The following ILRUN variants were observed in gnomAD, a reference collection of about 807,000 sequenced individuals.
The protein encoded by ILRUN is inflammation and lipid regulator with UBA-like and NBR1-like domains, also known as protein ILRUN.
Under a neutral mutation model 33.8 loss-of-function variants are expected in ILRUN, and 3 were observed. That is an observed-to-expected ratio of 0.09 (90% CI 0.04 to 0.23). The LOEUF is 0.23. Ranked by LOEUF, ILRUN falls within the 10% of genes least tolerant of loss-of-function variation. The pLI, the probability that ILRUN is intolerant of heterozygous loss-of-function variation, is 1.00. For synonymous variants in ILRUN, 124 were observed against 138.9 expected (o/e 0.89, Z 0.75); for missense variants, 210 against 375.1 (o/e 0.56, Z 3.64).
At chr6:34,642,648 G>A (rs1027490074) in intron 3 of ILRUN, among the ~76,000 whole-genome samples, 2 of 151,772 alleles carry the variant, frequency 1.3e-5, no homozygotes, top group Non-Finnish European at 2.9e-5. Context: ...TTTTGGCTCC[G>A]CAGGATATGT....
intron 3 of ILRUN, among the ~76,000 whole-genome samples, chr6:34,640,645 G>C (rs1762455917): frequency 6.6e-6 from 1 of 152,006 alleles, no homozygotes; most frequent in Admixed American, 6.5e-5. Context: ...GGGAAGCAGA[G>C]GTTGCAGTGA....
chr6:34,646,691 C>T lies in ILRUN; in HGVS notation c.421G>A (p.Asp141Asn), dbSNP rs1432478899. 1.2e-6 allele frequency: 2 copies of T among 1,614,180 alleles called. No homozygotes were observed. Among genetic ancestry groups the T allele is most frequent in the East Asian group, 2.2e-5 (1 of 44,878 alleles). ...GGGCTGCACATCTGGACGCTGACAT[C>T]TGCAATCTCTTGGGGCTCTAGCGAT... ...VRSLEPQEIA[D>N]VSVQMCSPSR... The change falls in exon 3 of 5, where the codon GAT becomes AAT. Residue 141 changes from aspartate to asparagine, a missense_variant. This residue lies in a region of ILRUN where 60 missense variants were observed against 138.1 expected (regional missense o/e 0.43). Transcript: ENST00000374023. The surrounding 1 kb of genome is among the most constrained non-coding windows in gnomAD (Gnocchi z 4.9).
At chr6:34,616,382 T>C (rs1240487323) in intron 3 of ILRUN, among the ~76,000 whole-genome samples, 1 of 152,218 alleles carries the variant, frequency 6.6e-6, no homozygotes, top group East Asian at 1.9e-4. Flanking sequence ...TGCAGTCAGC[T>C]GCTGAGCTAT....
intron 2 of ILRUN, among the ~76,000 whole-genome samples, chr6:34,648,309 G>C (rs1353110395): frequency 6.6e-6 from 1 of 152,124 alleles, no homozygotes; most frequent in Non-Finnish European, 1.5e-5. Context: ...AGATGCCTCA[G>C]TTCCTTGCTC....
At chr6:34,647,746 CAA>C (rs1762587647) in intron 2 of ILRUN, among the ~76,000 whole-genome samples, 1 of 152,112 alleles carries the variant, frequency 6.6e-6, no homozygotes, top group Non-Finnish European at 1.5e-5. Flanking sequence ...TGTATTTTTA[CAA>C]GAGATGGGGT....
rs929993703 is a variant in ILRUN at position 34,614,505 on chromosome 6, A to T, written c.512-7601T>A. On this transcript the variant is annotated intron_variant, in intron 3 of 4. Transcript: ENST00000374023. ...TATATTATTATATATATTATATTTT[A>T]TATATATATATATATTCATGGATCC... Among the ~76,000 whole-genome samples the T allele has an allele frequency of 4.1e-4, 60 of 145,034 alleles. 1 individual carries two copies. Among genetic ancestry groups the T allele is most frequent in the East Asian group, 3.3e-3 (17 of 5,100 alleles).
intron 4 of ILRUN, among the ~76,000 whole-genome samples, chr6:34,597,005 T>A (rs1228777738): frequency 1.3e-5 from 2 of 151,696 alleles, no homozygotes; most frequent in Non-Finnish European, 2.9e-5. Context: ...CTTCCATCCC[T>A]CCTCCCTCCA....
intron 3 of ILRUN, among the ~76,000 whole-genome samples, chr6:34,636,351 A>G (rs1762368249): frequency 6.6e-6 from 1 of 152,230 alleles, no homozygotes; most frequent in Admixed American, 6.5e-5. Context: ...CTTTGTAAAT[A>G]AAGGAAAGTA....
chr6:34,593,856 C>T (rs1343003645), intron 4 of ILRUN, among the ~76,000 whole-genome samples: 1 of 152,078 alleles, frequency 6.6e-6, no homozygotes, highest in Non-Finnish European at 1.5e-5. Flanking sequence ...GGCAACATAA[C>T]ACCAGTTGTA....
intron 1 of ILRUN, among the ~76,000 whole-genome samples, chr6:34,676,678 TC>T (rs1159514736): frequency 1.3e-5 from 2 of 151,896 alleles, no homozygotes; most frequent in African/African-American, 4.8e-5. Flanking sequence ...AAACATACTT[TC>T]TTTGAAAATA....
intron 3 of ILRUN, among the ~76,000 whole-genome samples, chr6:34,634,481 T>C (rs1356433133): frequency 6.6e-6 from 1 of 151,880 alleles, no homozygotes; most frequent in Admixed American, 6.6e-5. Context: ...CAGAAATCCA[T>C]AAAATTGAAC....
At chr6:34,614,088 T>C (rs1415715131) in intron 3 of ILRUN, among the ~76,000 whole-genome samples, 1 of 152,100 alleles carries the variant, frequency 6.6e-6, no homozygotes, top group Non-Finnish European at 1.5e-5. Context: ...ACATAATAAA[T>C]AACATAGTTT....
intron 4 of ILRUN, among the ~76,000 whole-genome samples, chr6:34,603,801 G>A (rs1761568993): frequency 6.6e-6 from 1 of 152,120 alleles, no homozygotes; most frequent in African/African-American, 2.4e-5. Context: ...CTAGTGGGTA[G>A]GGATCCTTTT....
At chr6:34,633,882 AGGG>A (rs1762299642) in intron 3 of ILRUN, among the ~76,000 whole-genome samples, 3 of 16,634 alleles carry the variant, frequency 1.8e-4, no homozygotes, top group African/African-American at 1.3e-3. Context: ...GGAGGGAGAG[AGGG>A]AGGGAGGGAG....
At chr6:34,683,459 TATACATATATATAC>T (rs1763431440) in intron 1 of ILRUN, among the ~76,000 whole-genome samples, 8 of 114,646 alleles carry the variant, frequency 7.0e-5, no homozygotes, top group Middle Eastern at 4.3e-3. Flanking sequence ...TATACATATA[TATACATATATATAC>T]ACATATATAT....
At chr6:34,660,507 T>C (rs527323036) in intron 1 of ILRUN, among the ~76,000 whole-genome samples, 3 of 152,198 alleles carry the variant, frequency 2.0e-5, no homozygotes, top group Non-Finnish European at 2.9e-5. Context: ...AATGAACCCA[T>C]GTTATCAGGC....
chr6:34,639,669 T>C (rs925539640), intron 3 of ILRUN, among the ~76,000 whole-genome samples: 4 of 152,194 alleles, frequency 2.6e-5, no homozygotes, highest in African/African-American at 9.7e-5. Flanking sequence ...AGAGAAGACT[T>C]CCGGACCATA....
rs1761243653 is a variant in ILRUN, at chr6:34,588,917, A to G, written c.*1648T>C. The G allele has an allele frequency of 6.5e-6, 1 of 152,872 alleles. No individual in the cohort carries two copies. The allele number at this position is 152,872 out of a possible 1,614,324, so 9.5% of individuals were successfully genotyped here. ...CATTTTTTGGAACTCAGACACCCAG[A>G]CAGAAACAGGCAGGCAGACCCTCAC... is the stretch of plus-strand genomic sequence containing the variant. On this transcript the variant is annotated 3_prime_UTR_variant, in exon 5 of 5. Coordinates refer to ENST00000374023, the MANE Select transcript of ILRUN (RefSeq NM_024294.4).
At chr6:34,669,714 T>C (rs528744686) in intron 1 of ILRUN, among the ~76,000 whole-genome samples, 14 of 152,230 alleles carry the variant, frequency 9.2e-5, no homozygotes, top group African/African-American at 3.4e-4. Context: ...ACCTAGATGA[T>C]ACAAAACTAA....
Sources: gnomAD v4.1 joint callset for allele counts (sites outside exome capture counted in the v4.1 genomes callset) on GRCh38, gnomAD v4.1.1 for gene constraint, gnomAD v4.1.1 regional missense constraint, Gnocchi (gnomAD v3.1) non-coding constraint, MANE v1.5 for transcripts, NCBI Gene and HGNC (gene_info 2026-07-23, HGNC 2026-07-21) for gene names.